The following SLC7A1 variants were observed in gnomAD, a reference collection of about 807,000 sequenced individuals.
SLC7A1 encodes high affinity cationic amino acid transporter 1.
In SLC7A1, 10 loss-of-function variants were observed where a neutral mutation model predicts 53.9. The ratio of observed to expected loss-of-function variants is 0.19; its 90% CI spans 0.11 to 0.31. SLC7A1 has a LOEUF of 0.31. Among genes scored for constraint, SLC7A1 ranks in the 10% least tolerant of loss-of-function variants. The pLI is 1.00. For synonymous variants in SLC7A1, 342 were observed against 338.7 expected, an observed-to-expected ratio of 1.01 and a Z score of -0.11; for missense variants, 525 against 827.2, an observed-to-expected ratio of 0.63 and a Z score of 4.48.
intron 5 of SLC7A1, among the ~76,000 whole-genome samples, chr13:29,528,668 G>A (rs570017553): frequency 6.6e-6 from 1 of 152,160 alleles, no homozygotes; most frequent in Non-Finnish European, 1.5e-5. Context: ...CAACATAATA[G>A]AGCATGCCAA....
chr13:29,531,052 C>T (rs1294646544), intron 4 of SLC7A1, among the ~76,000 whole-genome samples: 1 of 152,168 alleles, frequency 6.6e-6, no homozygotes, highest in Non-Finnish European at 1.5e-5. Flanking sequence ...ACCCGCACAC[C>T]AAGCCGCTCC....
rs375464757 is a variant in SLC7A1 at position 29,517,810 on chromosome 13, G to T, written c.1293-20C>A. ...TGGTACCTGGGAAGAAAGGCATTGCGTGACCGCCACATCTGCTTCAAGCAA... is the reference window on the plus strand; with the variant it reads ...TGGTACCTGGGAAGAAAGGCATTGCTTGACCGCCACATCTGCTTCAAGCAA... On this transcript the variant is annotated intron_variant, in intron 9 of 12. Coordinates refer to ENST00000380752, the MANE Select transcript of SLC7A1 (RefSeq NM_003045.5). 1.8e-5 allele frequency: 28 copies of T among 1,592,824 alleles called. No homozygotes were observed. The African/African-American group carries it at 3.5e-4, about 20-fold the overall frequency.
At chr13:29,538,040 G>A (rs1785994076) in intron 2 of SLC7A1, among the ~76,000 whole-genome samples, 1 of 152,148 alleles carries the variant, frequency 6.6e-6, no homozygotes, top group African/African-American at 2.4e-5. Flanking sequence ...AACTGGGGAT[G>A]GTGCCTGCTC....
At chr13:29,544,510 A>G (rs1442171143) in intron 2 of SLC7A1, among the ~76,000 whole-genome samples, 1 of 152,210 alleles carries the variant, frequency 6.6e-6, no homozygotes, top group Non-Finnish European at 1.5e-5. Context: ...TTTGCATTCT[A>G]GAGACAAGGA....
intron 11 of SLC7A1, 138 bp from the exon 12 acceptor site, chr13:29,516,384 C>T (rs1403118909): frequency 3.2e-6 from 2 of 617,340 alleles, no homozygotes; most frequent in African/African-American, 3.6e-5. Context: ...AGGGAGTGCC[C>T]ACCCCCACTC....
Position 29,517,196 on chromosome 13 carries a change from A to G in SLC7A1, c.1625T>C (p.Val542Ala), listed in dbSNP as rs1476104496. ...LAGSALLCAV[V>A]TGVIWRQPES... is the part of the protein sequence containing the mutation. ...GGGCTGCCTCCAGATGACGCCCGTG[A>G]CCACGGCACAGAGGAGGGCAGACCC... Residue 542 changes from valine (V) to alanine (A), a missense_variant, in exon 11 of 13, where the codon GTC becomes GCC. Around this residue, in one of 4 missense-constraint regions of SLC7A1, gnomAD observed 122 missense variants for 140.9 expected, o/e 0.87. Coordinates refer to ENST00000380752, the MANE Select transcript of SLC7A1 (RefSeq NM_003045.5). The G allele has an allele frequency of 2.5e-6, 4 of 1,613,086 alleles. No individual in the cohort carries two copies. In the Admixed American group the frequency reaches 6.7e-5, roughly 27 times the overall value.
chr13:29,574,830 T>C (rs1227780134), intron 1 of SLC7A1, among the ~76,000 whole-genome samples: 3 of 151,932 alleles, frequency 2.0e-5, no homozygotes, highest in African/African-American at 4.8e-5. Context: ...TATTTCAGTA[T>C]AGACGGGGTT....
At chr13:29,580,928 T>C (rs1871619976) in intron 1 of SLC7A1, among the ~76,000 whole-genome samples, 1 of 151,784 alleles carries the variant, frequency 6.6e-6, no homozygotes, top group African/African-American at 2.4e-5. Context: ...AAGTGCCCTC[T>C]ATCCCCTGAA....
chr13:29,586,207 A>G (rs2047027546), intron 1 of SLC7A1, among the ~76,000 whole-genome samples: 1 of 152,256 alleles, frequency 6.6e-6, no homozygotes, highest in South Asian at 2.1e-4. Flanking sequence ...AAAGAACAAA[A>G]TCTACCAGAA....
In SLC7A1 at chr13:29,580,717, G is replaced by A. The variant is rs568335196; in HGVS notation, c.-115+14699C>T. 2.0e-5 allele frequency among the ~76,000 whole-genome samples: 3 copies of A among 152,188 alleles called. No individual in the cohort carries two copies. The East Asian group carries it at 5.8e-4, about 29-fold the overall frequency. On this transcript the variant is annotated intron_variant, in intron 1 of 12. Transcript: ENST00000380752. ...CATGGAATATGTTGTTAATCTTAACGCCTGCTGAGGCAAATGAATAATATG... is the reference window on the plus strand; with the variant it reads ...CATGGAATATGTTGTTAATCTTAACACCTGCTGAGGCAAATGAATAATATG...
chr13:29,589,795 A>C (rs1300499128), intron 1 of SLC7A1, among the ~76,000 whole-genome samples: 5 of 152,132 alleles, frequency 3.3e-5, no homozygotes. Flanking sequence ...GTACAGGCAG[A>C]CATCTGGGTT....
rs148401684 is a variant in SLC7A1, at chr13:29,586,057, A to G, written c.-115+9359T>C. ...TAAGAAGAAGCTGTAATTCTACCCC[A>G]TCTGGGAACATTAGGAAAAAGACAA... On this transcript the variant is annotated intron_variant, in intron 1 of 12. Transcript: ENST00000380752. 1.0e-2 allele frequency among the ~76,000 whole-genome samples: 1,517 copies of G among 152,320 alleles called. 23 individuals carry two copies. Among genetic ancestry groups the G allele is most frequent in the African/African-American group, 0.035 (1,468 of 41,576 alleles).
Position 29,512,132 on chromosome 13 carries a change from CAT to C in SLC7A1, c.*2346_*2347del, listed in dbSNP as rs1416169508. The C allele has an allele frequency of 6.6e-6, 1 of 152,230 alleles. No homozygotes were observed. The highest frequency in any genetic ancestry group is 6.5e-5 in the Admixed American group (1 of 15,286). The allele number at this position is 152,230 out of a possible 1,614,324, so 9.4% of individuals were successfully genotyped here. On this transcript the variant is annotated 3_prime_UTR_variant, in exon 13 of 13. Transcript: ENST00000380752. ...CTGGCAAGTGCACAAAAACACTACT[CAT>C]AAAAGCACGGTGACCAGTGAACTAT...
intron 8 of SLC7A1, among the ~76,000 whole-genome samples, chr13:29,520,350 C>A (rs1868583110): frequency 6.6e-6 from 1 of 152,062 alleles, no homozygotes; most frequent in African/African-American, 2.4e-5. Flanking sequence ...TAAAGAAGGG[C>A]AAGTCTGGTG....
At chr13:29,543,865 G>A (rs9579398) in intron 2 of SLC7A1, among the ~76,000 whole-genome samples, 16,599 of 151,926 alleles carry the variant, frequency 0.11, 964 homozygotes, top group Middle Eastern at 0.15. Context: ...GGGGACATGC[G>A]GGGAGGAGAG....
intron 1 of SLC7A1, among the ~76,000 whole-genome samples, chr13:29,574,421 G>A (rs552683618): frequency 3.4e-4 from 52 of 152,256 alleles, no homozygotes; most frequent in African/African-American, 1.2e-3. Context: ...ACAAGAACAC[G>A]AACTCATCTG....
At chr13:29,528,711 A>T (rs1474200272) in intron 5 of SLC7A1, among the ~76,000 whole-genome samples, 1 of 152,218 alleles carries the variant, frequency 6.6e-6, no homozygotes, top group Non-Finnish European at 1.5e-5. Flanking sequence ...TCCACCTCCT[A>T]ACATGGCCGA....
intron 1 of SLC7A1, among the ~76,000 whole-genome samples, chr13:29,555,155 G>C (rs977386154): frequency 6.6e-6 from 1 of 150,568 alleles, no homozygotes; most frequent in African/African-American, 2.4e-5. Flanking sequence ...TCAGGAGATC[G>C]AGACCATCCC....
chr13:29,563,025 G>C (rs1870826369), intron 1 of SLC7A1, among the ~76,000 whole-genome samples: 1 of 152,210 alleles, frequency 6.6e-6, no homozygotes, highest in African/African-American at 2.4e-5. Flanking sequence ...CAAAAGGCTA[G>C]AGAAAGCCAT....
Sources: gnomAD v4.1 joint callset for allele counts (sites outside exome capture counted in the v4.1 genomes callset) on GRCh38, gnomAD v4.1.1 for gene constraint, gnomAD v4.1.1 regional missense constraint, MANE v1.5 for transcripts, NCBI Gene and HGNC (gene_info 2026-07-23, HGNC 2026-07-21) for gene names.